Variants in TSGA10 observed in about 807,000 individuals in gnomAD.
The protein encoded by TSGA10 is testis specific 10, also known as testis-specific gene 10 protein.
TSGA10 carries 43 observed loss-of-function variants against 96.6 expected under a neutral mutation model. The ratio of observed to expected loss-of-function variants is 0.44; its 90% CI spans 0.35 to 0.57. TSGA10 has a LOEUF of 0.57. Among genes scored for constraint, TSGA10 ranks in the 20% least tolerant of loss-of-function variants. The pLI is 0.01. For synonymous variants in TSGA10, 229 were observed against 269.9 expected (o/e 0.85, Z 1.48); for missense variants, 703 against 834.4 (o/e 0.84, Z 1.94).
chr2:99,100,717 G>A (rs1394863558), intron 10 of TSGA10, among the ~76,000 whole-genome samples: 3 of 151,528 alleles, frequency 2.0e-5, no homozygotes, highest in Admixed American at 1.3e-4. Flanking sequence ...CTGCTCAGGA[G>A]GCTGAGGCAG....
intron 1 of TSGA10, among the ~76,000 whole-genome samples, chr2:99,139,241 C>T (rs562563754): frequency 6.6e-6 from 1 of 151,674 alleles, no homozygotes; most frequent in Non-Finnish European, 1.5e-5. Context: ...CCAGCCTGAG[C>T]GACAGTGAGA....
At chr2:99,021,181 G>A (rs150844231) in intron 17 of TSGA10, among the ~76,000 whole-genome samples, 2,035 of 151,758 alleles carry the variant, frequency 0.013, 19 homozygotes, top group Admixed American at 0.021. Context: ...AGTTAAATTT[G>A]AAAAGGTAAG....
intron 11 of TSGA10, 34 bp from the exon 12 acceptor site, chr2:99,078,847 C>G: frequency 6.4e-7 from 1 of 1,553,930 alleles, no homozygotes; most frequent in Non-Finnish European, 8.7e-7. Flanking sequence ...TTGTTTTAAT[C>G]AAAATAAAAT....
chr2:99,087,726 C>CA (rs977946847), intron 10 of TSGA10, among the ~76,000 whole-genome samples: 1 of 151,864 alleles, frequency 6.6e-6, no homozygotes, highest in Admixed American at 6.6e-5. Flanking sequence ...TCATCAAAAA[C>CA]AAAGCAATTA....
At chr2:99,145,227 C>G (rs1310626047) in intron 1 of TSGA10, among the ~76,000 whole-genome samples, 2 of 152,148 alleles carry the variant, frequency 1.3e-5, no homozygotes, top group Non-Finnish European at 2.9e-5. Context: ...CACATTGCAT[C>G]ATGGCTAACA....
At chr2:99,153,209 T>A (rs1385956314) in intron 1 of TSGA10, among the ~76,000 whole-genome samples, 1 of 152,142 alleles carries the variant, frequency 6.6e-6, no homozygotes, top group Non-Finnish European at 1.5e-5. Flanking sequence ...GTCCAGTGGA[T>A]CTAGCAATAT....
At chr2:99,093,969 ACC>A (rs764906319) in intron 10 of TSGA10, among the ~76,000 whole-genome samples, 31 of 152,106 alleles carry the variant, frequency 2.0e-4, no homozygotes, top group Non-Finnish European at 4.3e-4. Flanking sequence ...AAAAGAACAA[ACC>A]TGGAGGCACT....
At chr2:99,001,347 G>C (rs2077890299) in intron 20 of TSGA10, among the ~76,000 whole-genome samples, 1 of 152,160 alleles carries the variant, frequency 6.6e-6, no homozygotes, top group African/African-American at 2.4e-5. Flanking sequence ...ACAGGATCTG[G>C]AGTGGACCTC....
chr2:99,145,367 G>A (rs966098642), intron 1 of TSGA10, among the ~76,000 whole-genome samples: 36 of 152,054 alleles, frequency 2.4e-4, no homozygotes, highest in African/African-American at 8.7e-4. Context: ...AGACCAGCCT[G>A]TTCAACATGG....
chr2:99,101,986 C>A, intron 10 of TSGA10: 1 of 979,314 alleles, frequency 1.0e-6, no homozygotes, highest in Admixed American at 1.8e-5. Context: ...TTACATTTAA[C>A]AATACCGGAT....
intron 2 of TSGA10, among the ~76,000 whole-genome samples, chr2:99,121,354 G>A (rs533469375): frequency 6.7e-5 from 2 of 29,916 alleles, no homozygotes; most frequent in Non-Finnish European, 1.5e-4. Context: ...TTTTATTTTA[G>A]TTACTGTATT....
At chr2:99,081,832 A>G (rs2087553086) in intron 10 of TSGA10, among the ~76,000 whole-genome samples, 1 of 152,256 alleles carries the variant, frequency 6.6e-6, no homozygotes, top group South Asian at 2.1e-4. Flanking sequence ...ATTAGTGAGA[A>G]GGTCAGACTA....
At chr2:99,102,706 C>T (rs887483706) in intron 10 of TSGA10, 26 of 1,611,194 alleles carry the variant, frequency 1.6e-5, no homozygotes, top group Non-Finnish European at 2.0e-5. Flanking sequence ...GTGATCACAG[C>T]GGAGATGGCC....
intron 11 of TSGA10, 100 bp downstream of exon 11, chr2:99,081,182 T>C: frequency 1.8e-6 from 1 of 553,010 alleles, no homozygotes; most frequent in East Asian, 3.2e-5. Context: ...GTTAAGGGCT[T>C]GTTTCCAAGT....
At chr2:99,009,875 C>T (rs1433684875) in intron 20 of TSGA10, among the ~76,000 whole-genome samples, 1 of 152,056 alleles carries the variant, frequency 6.6e-6, no homozygotes, top group Non-Finnish European at 1.5e-5. Flanking sequence ...AACATGCAAG[C>T]ATGTGAGCAC....
At chr2:99,052,598 C>T (rs938229879) in intron 16 of TSGA10, among the ~76,000 whole-genome samples, 14 of 151,830 alleles carry the variant, frequency 9.2e-5, no homozygotes, top group East Asian at 1.9e-4. Flanking sequence ...ATTAGCCGGG[C>T]GTGGTGGCAG....
At chr2:99,072,004 TAGGA>T in intron 13 of TSGA10, 130 bp from the exon 14 acceptor site, 2 of 755,188 alleles carry the variant, frequency 2.6e-6, no homozygotes, top group Non-Finnish European at 4.2e-6. Flanking sequence ...TTTGAATTTA[TAGGA>T]ATAAATACTG....
At chr2:99,027,630 C>A (rs1053824654) in intron 17 of TSGA10, among the ~76,000 whole-genome samples, 1 of 152,042 alleles carries the variant, frequency 6.6e-6, no homozygotes, top group Non-Finnish European at 1.5e-5. Context: ...AATCTGTCTA[C>A]ATACATAGAC....
intron 12 of TSGA10, among the ~76,000 whole-genome samples, chr2:99,078,453 C>T (rs1027200799): frequency 6.6e-6 from 1 of 152,018 alleles, no homozygotes; most frequent in Non-Finnish European, 1.5e-5. Flanking sequence ...GAAAAATCAA[C>T]TTAAAATATT....
Sources: allele counts gnomAD v4.1 joint callset (sites outside exome capture counted in the v4.1 genomes callset), GRCh38; gene constraint gnomAD v4.1.1; transcripts MANE v1.5; gene names NCBI Gene and HGNC (gene_info 2026-07-23, HGNC 2026-07-21).